Variants in SCN10A observed in about 807,000 individuals in gnomAD.
SCN10A encodes sodium voltage-gated channel alpha subunit 10, also known as sodium channel protein type 10 subunit alpha.
Under a neutral mutation model 170.7 loss-of-function variants are expected in SCN10A, and 162 were observed. The observed-to-expected ratio is 0.95, with a 90% CI of 0.84 to 1.08. SCN10A has a LOEUF of 1.08. Ranked by LOEUF, SCN10A falls within the 50% of genes least tolerant of loss-of-function variation. The pLI is 0.00. For synonymous variants in SCN10A, 985 were observed against 904.6 expected (o/e 1.09, Z -1.59); for missense variants, 2,527 against 2,436.9 (o/e 1.04, Z -0.78).
In SCN10A at chr3:38,756,878, G is replaced by T. The variant is rs374658847; in HGVS notation, c.1093-7C>A. Reference sequence around the variant, plus strand: ...TCCCAGAAGTCCTCAGGGTCTGCAGGTTCAAGGGAAAGAAGAGAAACCTGT... The same window carrying T: ...TCCCAGAAGTCCTCAGGGTCTGCAGTTTCAAGGGAAAGAAGAGAAACCTGT... On this transcript the variant is annotated splice_polypyrimidine_tract_variant and splice_region_variant and intron_variant, in intron 9 of 27. Coordinates refer to ENST00000449082, the MANE Select transcript of SCN10A (RefSeq NM_006514.4). 129 of 1,613,926 alleles carry T rather than the reference G, an allele frequency of 8.0e-5. No homozygotes were observed. Among genetic ancestry groups the T allele is most frequent in the Non-Finnish European group, 1.0e-4 (118 of 1,179,910 alleles).
intron 26 of SCN10A, among the ~76,000 whole-genome samples, chr3:38,706,464 C>G (rs1383459936): frequency 1.3e-5 from 2 of 152,206 alleles, no homozygotes; most frequent in Non-Finnish European, 2.9e-5. Context: ...GGGCCAATTC[C>G]ATTCACTGGA....
rs1576014108 is a variant in SCN10A at position 38,760,720 on chromosome 3, G to A, written c.911C>T (p.Thr304Ile). ...ATTGCCACACAGTAAGGGGTCAGAA[G>A]TGCCTCGCTTATTTATGTAGATATC... ...KPDIYINKRG[T>I]SDPLLCGNGS... Residue 304 changes from threonine (T) to isoleucine (I), a missense_variant, in exon 8 of 28, where the codon ACT (threonine) becomes ATT (isoleucine). Thr to Ile is a moderately conservative substitution (Grantham distance 89). Transcript: ENST00000449082. The A allele has an allele frequency of 1.9e-6, 3 of 1,614,080 alleles. No homozygotes were observed. The highest frequency in any genetic ancestry group is 2.2e-5 in the South Asian group (2 of 91,080).
At chr3:38,815,737 A>T (rs1188190339) in intron 1 of SCN10A, among the ~76,000 whole-genome samples, 1 of 152,128 alleles carries the variant, frequency 6.6e-6, no homozygotes, top group Non-Finnish European at 1.5e-5. Context: ...TATCAACACA[A>T]CTCTTTGAAG....
chr3:38,710,801 T>C, intron 24 of SCN10A, 43 bp downstream of exon 24: 2 of 1,582,136 alleles, frequency 1.3e-6, no homozygotes, highest in Non-Finnish European at 1.7e-6. Flanking sequence ...ATGGGTAGAA[T>C]GCACAGAGGG....
intron 17 of SCN10A, among the ~76,000 whole-genome samples, chr3:38,726,067 AC>A (rs1308329352): frequency 6.6e-6 from 1 of 152,246 alleles, no homozygotes; most frequent in Non-Finnish European, 1.5e-5. Flanking sequence ...GGGTTGATAT[AC>A]CAGCTTAAGG....
Position 38,739,517 on chromosome 3 carries a change from A to G in SCN10A, c.2278T>C (p.Leu760=), listed in dbSNP as rs1559435030. Residue 760 remains leucine (L), a splice_region_variant and synonymous_variant, in exon 15 of 28, where the codon TTG becomes CTG. Coordinates refer to ENST00000449082, the MANE Select transcript of SCN10A (RefSeq NM_006514.4). ...GSLSVLRSFR[L]LRVFKLAKSW... Reference sequence around the variant, plus strand: ...AGCCATCAAGAGAAAAACATTACCAAGCGGAAGCTCCGCAGCACAGACAGG... The same window carrying G: ...AGCCATCAAGAGAAAAACATTACCAGGCGGAAGCTCCGCAGCACAGACAGG... 2 of 1,613,030 alleles carry G rather than the reference A, an allele frequency of 1.2e-6. No individual in the cohort carries two copies. Among genetic ancestry groups the G allele is most frequent in the Non-Finnish European group, 1.7e-6 (2 of 1,179,506 alleles).
chr3:38,698,211 A>C lies in SCN10A; in HGVS notation c.5009T>G (p.Ile1670Ser). The C allele has an allele frequency of 1.2e-6, 2 of 1,614,106 alleles. No individual in the cohort carries two copies. Among genetic ancestry groups the C allele is most frequent in the East Asian group, 2.2e-5 (1 of 44,880 alleles). ...SAGWDGLLSP[I>S]LNTGPPYCDP... ...ACAGTAGGGGGGCCCTGTGTTGAGG[A>C]TGGGGCTGAGGAGGCCATCCCAGCC... The change falls in exon 28 of 28, where the codon ATC becomes AGC. Residue 1670 changes from isoleucine (I) to serine (S), a missense_variant. Ile to Ser is a moderately radical substitution (Grantham distance 142). Transcript: ENST00000449082.
Position 38,728,823 on chromosome 3 carries a change from G to T in SCN10A, c.2359C>A (p.Leu787Met). The T allele has an allele frequency of 1.2e-6, 2 of 1,614,220 alleles. No homozygotes were observed. The highest frequency in any genetic ancestry group is 2.7e-5 in the African/African-American group (2 of 75,062). Residue 787 changes from leucine to methionine, a missense_variant, in exon 16 of 28, where the codon CTG becomes ATG. By Grantham distance (15) the Leu-to-Met change is conservative. Transcript: ENST00000449082. Reference sequence around the variant, plus strand: ...GCCAGGATGATGGTGAGGTTCCCCAGTGCCCCCACTGAGTTTCCGATGATC... The same window carrying T: ...GCCAGGATGATGGTGAGGTTCCCCATTGCCCCCACTGAGTTTCCGATGATC... Reference protein sequence around the residue: ...IKIIGNSVGALGNLTIILAII... With the variant: ...IKIIGNSVGAMGNLTIILAII...
chr3:38,810,365 A>G (rs2064432636), intron 1 of SCN10A, among the ~76,000 whole-genome samples: 1 of 152,210 alleles, frequency 6.6e-6, no homozygotes, highest in Non-Finnish European at 1.5e-5. Flanking sequence ...GATACGCAGG[A>G]AATTCAGTGT....
intron 1 of SCN10A, among the ~76,000 whole-genome samples, chr3:38,794,941 C>T (rs891208299): frequency 1.1e-4 from 17 of 152,272 alleles, no homozygotes; most frequent in African/African-American, 4.1e-4. Flanking sequence ...TTTCCTCCTT[C>T]CCTTCTCTTA....
rs2126061797 is a variant in SCN10A at position 38,793,841 on chromosome 3, A to C, written c.170T>G (p.Leu57Trp). The change falls in exon 2 of 28, where the codon TTG (leucine) becomes TGG (tryptophan). Residue 57 changes from leucine (L) to tryptophan (W), a missense_variant. By Grantham distance (61) the Leu-to-Trp change is moderately conservative. Transcript: ENST00000449082. ...QEEKPRPQLD[L>W]KACNQLPKFY... ...CTTGGGCAGCTGGTTGCAGGCTTTC[A>C]AGTCCAGCTGGGGCCGAGGCTTCTC... 1 of 1,614,008 alleles carries C rather than the reference A, an allele frequency of 6.2e-7. No individual in the cohort carries two copies. The highest frequency in any genetic ancestry group is 1.7e-4 in the Middle Eastern group (1 of 6,060).
rs1327837307 is a variant in SCN10A at position 38,771,385 on chromosome 3, T to G, written c.493A>C (p.Thr165Pro). 2 of 1,613,868 alleles carry G rather than the reference T, an allele frequency of 1.2e-6. No individual in the cohort carries two copies. The highest frequency in any genetic ancestry group is 1.7e-6 in the Non-Finnish European group (2 of 1,179,962). The change falls in exon 5 of 28, where the codon ACC becomes CCC. Residue 165 changes from threonine (T) to proline (P), a missense_variant. Transcript: ENST00000449082. ...KIEYVFTVIY[T>P]FEALIKILAR... Reference sequence around the variant, plus strand: ...AGTATCTTTATCAAGGCTTCAAAGGTGTAAATGACAGTGAAGACATATCTG... The same window carrying G: ...AGTATCTTTATCAAGGCTTCAAAGGGGTAAATGACAGTGAAGACATATCTG...
Position 38,756,866 on chromosome 3 carries a change from C to A in SCN10A, c.1098G>T (p.Leu366=), listed in dbSNP as rs769960587. Residue 366 remains leucine (L), a synonymous_variant, in exon 10 of 28, where the codon CTG becomes CTT. Coordinates refer to ENST00000449082, the MANE Select transcript of SCN10A (RefSeq NM_006514.4). The part of the protein sequence containing the change: ...DSWERLYQQT[L]RTSGKIYMIF... ...TCATATAGATTTTCCCAGAAGTCCT[C>A]AGGGTCTGCAGGTTCAAGGGAAAGA... 1.2e-6 allele frequency: 2 copies of A among 1,614,148 alleles called. No homozygotes were observed. The highest frequency in any genetic ancestry group is 1.7e-6 in the Non-Finnish European group (2 of 1,180,012).
At chr3:38,809,245 GA>G (rs2064424501) in intron 1 of SCN10A, among the ~76,000 whole-genome samples, 1 of 152,120 alleles carries the variant, frequency 6.6e-6, no homozygotes, top group South Asian at 2.1e-4. Flanking sequence ...GTTGCTTTCT[GA>G]ATGCAACTTT....
In SCN10A at chr3:38,730,330, G is replaced by A. The variant is rs570591366; in HGVS notation, c.2281-1429C>T. Among the ~76,000 whole-genome samples the A allele has an allele frequency of 3.3e-5, 5 of 152,298 alleles. No homozygotes were observed. In the East Asian group the frequency reaches 9.7e-4, roughly 29 times the overall value. Reference sequence around the variant, plus strand: ...TTTTATCTGGAATTCACACTACCTAGGTATTTTAAGTTGAGAATTTAATTT... The same window carrying A: ...TTTTATCTGGAATTCACACTACCTAAGTATTTTAAGTTGAGAATTTAATTT... On this transcript the variant is annotated intron_variant, in intron 15 of 27. Transcript: ENST00000449082.
At chr3:38,811,831 A>G (rs2064443303) in intron 1 of SCN10A, among the ~76,000 whole-genome samples, 1 of 152,128 alleles carries the variant, frequency 6.6e-6, no homozygotes, top group Non-Finnish European at 1.5e-5. Flanking sequence ...TCCTCCTCTC[A>G]TACTGATTTC....
intron 1 of SCN10A, among the ~76,000 whole-genome samples, chr3:38,815,128 C>G (rs575121570): frequency 6.6e-6 from 1 of 152,224 alleles, no homozygotes; most frequent in African/African-American, 2.4e-5. Context: ...CAAACAAAGC[C>G]AGAACCACAG....
rs60118537 is a variant in SCN10A, at chr3:38,714,239, G to T, written c.3682-159C>A. On this transcript the variant is annotated intron_variant, in intron 21 of 27. Transcript: ENST00000449082. Reference sequence around the variant, plus strand: ...GGAACTCCAATGAGAGGTCTAGAAAGAGTTTTGTCTCTTCCCTTTTATTAA... The same window carrying T: ...GGAACTCCAATGAGAGGTCTAGAAATAGTTTTGTCTCTTCCCTTTTATTAA... Among the ~76,000 whole-genome samples, 580 of 152,274 alleles carry T rather than the reference G, an allele frequency of 3.8e-3. 1 individual carries two copies. Among genetic ancestry groups the T allele is most frequent in the African/African-American group, 0.013 (547 of 41,542 alleles).
chr3:38,763,346 G>A (rs2063896873), intron 6 of SCN10A, among the ~76,000 whole-genome samples, 159 bp downstream of exon 6: 1 of 152,282 alleles, frequency 6.6e-6, no homozygotes, highest in East Asian at 1.9e-4. Flanking sequence ...CTAGTGAAGA[G>A]GCCTTGGGTT....
Sources: gnomAD v4.1 joint callset for allele counts (sites outside exome capture counted in the v4.1 genomes callset) on GRCh38, gnomAD v4.1.1 for gene constraint, MANE v1.5 for transcripts, NCBI Gene and HGNC (gene_info 2026-07-23, HGNC 2026-07-21) for gene names.